Variants in RAB39A observed in about 807,000 individuals in gnomAD.
RAB39A encodes ras-related protein Rab-39A.
RAB39A carries 17 observed loss-of-function variants against 20.9 expected under a neutral mutation model. The observed-to-expected ratio is 0.81, with a 90% CI of 0.56 to 1.22. The LOEUF (loss-of-function observed/expected upper bound fraction) is 1.22, where lower values mean the gene tolerates loss of function less well. RAB39A is among the 50% of genes most tolerant of loss of function. RAB39A has a pLI of 0.00. For missense variants in RAB39A, 234 were observed against 270.5 expected (o/e 0.87, Z 0.95); for synonymous variants, 99 against 103.4 (o/e 0.96, Z 0.26).
chr11:107,934,860 C>T (rs1031185939), intron 1 of RAB39A, among the ~76,000 whole-genome samples: 2 of 142,380 alleles, frequency 1.4e-5, no homozygotes, highest in Non-Finnish European at 3.0e-5. Context: ...ACCCAGGAAG[C>T]GGAGGTTGCG....
At chr11:107,954,071 G>A (rs1861409223) in intron 1 of RAB39A, among the ~76,000 whole-genome samples, 1 of 152,170 alleles carries the variant, frequency 6.6e-6, no homozygotes, top group South Asian at 2.1e-4. Flanking sequence ...TACTAGCATG[G>A]CCTAAATCCA....
intron 1 of RAB39A, among the ~76,000 whole-genome samples, chr11:107,946,136 G>GCCTCCCGGGT (rs777319782): frequency 6.6e-6 from 1 of 151,000 alleles, no homozygotes; most frequent in Non-Finnish European, 1.5e-5. Context: ...TAGGAAATTT[G>GCCTCCCGGGT]TCATGTGAAA....
In RAB39A at chr11:107,962,324, G is replaced by T; in HGVS notation, c.606G>T (p.Val202=). The T allele has an allele frequency of 1.2e-6, 2 of 1,612,750 alleles. No individual in the cohort carries two copies. Among genetic ancestry groups the T allele is most frequent in the Non-Finnish European group, 1.7e-6 (2 of 1,179,092 alleles). ...GVKSGFVPNT[V]HSSEEAVKPR... is the part of the protein sequence containing the mutation. Reference sequence around the variant, plus strand: ...AAAGTGGTTTTGTTCCAAATACTGTGCATTCTTCTGAGGAAGCAGTAAAGC... The same window carrying T: ...AAAGTGGTTTTGTTCCAAATACTGTTCATTCTTCTGAGGAAGCAGTAAAGC... The change falls in exon 2 of 2, where the codon GTG becomes GTT. Residue 202 remains valine, a synonymous_variant. Coordinates refer to ENST00000320578, the MANE Select transcript of RAB39A (RefSeq NM_017516.3).
chr11:107,952,117 C>T (rs1861386856), intron 1 of RAB39A, among the ~76,000 whole-genome samples: 1 of 152,160 alleles, frequency 6.6e-6, no homozygotes, highest in Non-Finnish European at 1.5e-5. Context: ...TTTACATAAA[C>T]AAGGCAACCA....
chr11:107,933,529 G>A (rs572538409), intron 1 of RAB39A, among the ~76,000 whole-genome samples: 83 of 151,032 alleles, frequency 5.5e-4, no homozygotes, highest in African/African-American at 2.0e-3. Flanking sequence ...ACAGGCATGC[G>A]CCACAGCACC....
intron 1 of RAB39A, among the ~76,000 whole-genome samples, chr11:107,952,142 G>A (rs112534422): frequency 0.017 from 2,604 of 152,240 alleles, 89 homozygotes; most frequent in African/African-American, 0.059. Flanking sequence ...GTCTCATTAT[G>A]CTAAAGCAAA....
chr11:107,943,609 T>G (rs765348380), intron 1 of RAB39A, among the ~76,000 whole-genome samples: 3 of 151,914 alleles, frequency 2.0e-5, no homozygotes, highest in Non-Finnish European at 4.4e-5. Context: ...GGACAAGGAT[T>G]TACTTGTGGA....
chr11:107,931,218 C>G (rs917810748), intron 1 of RAB39A, among the ~76,000 whole-genome samples: 2 of 152,166 alleles, frequency 1.3e-5, no homozygotes, highest in African/African-American at 4.8e-5. Context: ...CTCGGGTGAT[C>G]CACCTGCCTC....
At chr11:107,937,782 A>G (rs780243325) in intron 1 of RAB39A, among the ~76,000 whole-genome samples, 3 of 152,150 alleles carry the variant, frequency 2.0e-5, no homozygotes, top group Non-Finnish European at 4.4e-5. Flanking sequence ...GTTGGCTCCT[A>G]GCTCTCAGTC....
At chr11:107,945,431 T>G (rs948008755) in intron 1 of RAB39A, among the ~76,000 whole-genome samples, 1 of 152,104 alleles carries the variant, frequency 6.6e-6, no homozygotes, top group Non-Finnish European at 1.5e-5. Context: ...ACAATAGTAT[T>G]TTTTCCAACC....
Position 107,928,747 on chromosome 11 carries a change from A to G in RAB39A, c.179A>G (p.Lys60Arg), listed in dbSNP as rs747685303. 1.9e-6 allele frequency: 3 copies of G among 1,607,324 alleles called. No homozygotes were observed. Among genetic ancestry groups the G allele is most frequent in the Non-Finnish European group, 2.6e-6 (3 of 1,176,458 alleles). The change falls in exon 1 of 2, where the codon AAG becomes AGG. Residue 60 changes from lysine (K) to arginine (R), a missense_variant. Transcript: ENST00000320578. The surrounding 1 kb of genome is among the most constrained non-coding windows in gnomAD (Gnocchi z 4.9). ...CGCCTGCTGGAGATCGAGCCGGGCAAGAGGATCAAGCTACAGCTCTGGGAC... is the reference window on the plus strand; with the variant it reads ...CGCCTGCTGGAGATCGAGCCGGGCAGGAGGATCAAGCTACAGCTCTGGGAC... Reference protein sequence around the residue: ...FSRLLEIEPGKRIKLQLWDTA... With the variant: ...FSRLLEIEPGRRIKLQLWDTA...
At chr11:107,941,831 G>T (rs537042830) in intron 1 of RAB39A, among the ~76,000 whole-genome samples, 2 of 152,206 alleles carry the variant, frequency 1.3e-5, no homozygotes, top group South Asian at 4.1e-4. Flanking sequence ...AGTGGCTCAC[G>T]CCTGTAATCC....
At chr11:107,947,947 C>A (rs939793225) in intron 1 of RAB39A, among the ~76,000 whole-genome samples, 2 of 150,012 alleles carry the variant, frequency 1.3e-5, no homozygotes, top group Non-Finnish European at 3.0e-5. Context: ...TTTAAGGAAG[C>A]TACTTGAAGA....
intron 1 of RAB39A, among the ~76,000 whole-genome samples, chr11:107,947,553 A>G (rs1043177968): frequency 4.6e-5 from 7 of 152,184 alleles, no homozygotes; most frequent in African/African-American, 1.7e-4. Context: ...AAATTTAGGG[A>G]CTAGAGTTTT....
At chr11:107,949,389 G>A (rs138769017) in intron 1 of RAB39A, among the ~76,000 whole-genome samples, 95 of 152,114 alleles carry the variant, frequency 6.2e-4, no homozygotes, top group African/African-American at 2.2e-3. Context: ...GAAATAAAAT[G>A]AAATGAGAAA....
At position 107,928,843 on chromosome 11, in the gene RAB39A, C is replaced by A; in HGVS notation, c.227+48C>A. 1 of 1,426,058 alleles carries A rather than the reference C, an allele frequency of 7.0e-7. No homozygotes were observed. Among genetic ancestry groups the A allele is most frequent in the Non-Finnish European group, 9.4e-7 (1 of 1,063,892 alleles). The allele number at this position is 1,426,058 out of a possible 1,614,324, so 88.3% of individuals were successfully genotyped here. On this transcript the variant is annotated intron_variant, in intron 1 of 1. Transcript: ENST00000320578. This position sits in a 1 kb window ranked among gnomAD's most constrained non-coding sequence, Gnocchi z 4.9. Reference sequence around the variant, plus strand: ...GCACCGCGCCGCCCCCTCAGCCCGCCCGGACGCCCCTTCCCCAGGCGTCCG... The same window carrying A: ...GCACCGCGCCGCCCCCTCAGCCCGCACGGACGCCCCTTCCCCAGGCGTCCG...
chr11:107,929,485 G>GGT (rs10687737), intron 1 of RAB39A, among the ~76,000 whole-genome samples: 28,302 of 149,582 alleles, frequency 0.19, 3,373 homozygotes, highest in African/African-American at 0.36. Context: ...CACAGCTGAG[G>GGT]GTGTGTGTGT....
intron 1 of RAB39A, among the ~76,000 whole-genome samples, chr11:107,935,892 C>T (rs1245549747): frequency 7.3e-6 from 1 of 136,610 alleles, no homozygotes; most frequent in Admixed American, 8.5e-5. Flanking sequence ...CCCAGCAAGT[C>T]CTGGCCACTT....
intron 1 of RAB39A, among the ~76,000 whole-genome samples, chr11:107,954,347 G>A (rs759134130): frequency 2.0e-5 from 3 of 152,024 alleles, no homozygotes; most frequent in Admixed American, 6.5e-5. Context: ...TTTTCATGGC[G>A]GGGTCTTTCG....
Sources: gnomAD v4.1 joint callset for allele counts (sites outside exome capture counted in the v4.1 genomes callset) on GRCh38, gnomAD v4.1.1 for gene constraint, Gnocchi (gnomAD v3.1) non-coding constraint, MANE v1.5 for transcripts, NCBI Gene and HGNC (gene_info 2026-07-23, HGNC 2026-07-21) for gene names.